Variants in NOP2 observed in about 807,000 individuals in gnomAD.
NOP2 encodes the protein NOP2 nucleolar protein.
Under a neutral mutation model 72.7 loss-of-function variants are expected in NOP2, and 7 were observed. That is an observed-to-expected ratio of 0.10 (90% CI 0.05 to 0.18). The LOEUF (loss-of-function observed/expected upper bound fraction) is 0.18. NOP2 is among the 10% of genes least tolerant of loss of function. NOP2 has a pLI of 1.00. For missense variants in NOP2, 954 were observed against 1,014.7 expected, an observed-to-expected ratio of 0.94 and a Z score of 0.81; for synonymous variants, 387 against 388.0, an observed-to-expected ratio of 1.00 and a Z score of 0.03.
intron 11 of NOP2, among the ~76,000 whole-genome samples, chr12:6,561,288 T>C (rs192086318): frequency 2.6e-5 from 4 of 152,258 alleles, no homozygotes; most frequent in African/African-American, 4.8e-5. Flanking sequence ...CAAACACCTA[T>C]GTGGTCCTAC....
In NOP2 at chr12:6,561,988, ATT is replaced by A. The variant is rs370604185; in HGVS notation, c.979-19_979-18del. Reference sequence around the variant, plus strand: ...GATTAGAGCCTGAAAAGGGATGAAGATTTTTTTTTTTTTTTTTTGAGATGGAG... The same window carrying A: ...GATTAGAGCCTGAAAAGGGATGAAGATTTTTTTTTTTTTTTTGAGATGGAG... On this transcript the variant is annotated intron_variant, in intron 9 of 15. Transcript: ENST00000322166. The A allele has an allele frequency of 0.016, 20,659 of 1,266,254 alleles. No individual in the cohort carries two copies. The highest frequency in any genetic ancestry group is 0.019 in the Middle Eastern group (87 of 4,638). 78.4% of individuals were successfully genotyped at this position (1,266,254 alleles called of 1,614,324 possible).
intron 15 of NOP2, chr12:6,558,008 G>A: frequency 2.9e-6 from 1 of 341,964 alleles, no homozygotes; most frequent in Non-Finnish European, 5.6e-6. Flanking sequence ...AGGGATGGTG[G>A]TACACACCTG....
Position 6,560,001 on chromosome 12 carries a change from T to C in NOP2, c.1789+97A>G. On this transcript the variant is annotated intron_variant, in intron 15 of 15. Transcript: ENST00000322166. The surrounding 1 kb of genome is among the most constrained non-coding windows in gnomAD (Gnocchi z 5.0). ...TGCAAAGGCTGGAGTAAGGGATGCA[T>C]GAATCTTTCCTTTCCCTTCCTCTTG... 3 of 890,052 alleles carry C rather than the reference T, an allele frequency of 3.4e-6. No individual in the cohort carries two copies. Among genetic ancestry groups the C allele is most frequent in the Admixed American group, 2.3e-5 (1 of 43,494 alleles). The allele number at this position is 890,052 out of a possible 1,614,324, so 55.1% of individuals were successfully genotyped here.
chr12:6,561,632 C>T (rs1235434853), intron 11 of NOP2, 32 bp downstream of exon 11: 4 of 1,607,106 alleles, frequency 2.5e-6, no homozygotes, highest in Non-Finnish European at 2.6e-6. Flanking sequence ...CAAGACAGCC[C>T]GATGAATCCC....
In NOP2 at chr12:6,560,291, C is replaced by T. The variant is rs1460228650; in HGVS notation, c.1596G>A (p.Leu532=). 3.1e-6 allele frequency: 5 copies of T among 1,613,882 alleles called. No individual in the cohort carries two copies. The highest frequency in any genetic ancestry group is 4.2e-6 in the Non-Finnish European group (5 of 1,179,894). The change falls in exon 15 of 16, where the codon CTG becomes CTA. Residue 532 remains leucine (L), a synonymous_variant. Transcript: ENST00000322166. This position sits in a 1 kb window ranked among gnomAD's most constrained non-coding sequence, Gnocchi z 5.0. Reference sequence around the variant, plus strand: ...GCACCAGTCGCACATTCCTCTTTTTCAGAGCATAGTCTACCACCCACTCAT... The same window carrying T: ...GCACCAGTCGCACATTCCTCTTTTTTAGAGCATAGTCTACCACCCACTCAT... The part of the protein sequence containing the change: ...EENEWVVDYA[L]KKRNVRLVPT...
chr12:6,567,364 T>A (rs1186935768), intron 2 of NOP2: 1 of 189,692 alleles, frequency 5.3e-6, no homozygotes, highest in Admixed American at 5.6e-5. Context: ...CGGTCCAGTG[T>A]TACCTCCCAC....
chr12:6,558,622 T>G (rs1483415252), intron 15 of NOP2, among the ~76,000 whole-genome samples: 1 of 151,120 alleles, frequency 6.6e-6, no homozygotes, highest in Non-Finnish European at 1.5e-5. Context: ...TTTTTTTTTT[T>G]TTTTTGAGGT....
chr12:6,557,563 G>T lies in NOP2; in HGVS notation c.1869C>A (p.Ala623=). The change falls in exon 16 of 16, where the codon GCC becomes GCA. Residue 623 remains alanine (A), a synonymous_variant. Coordinates refer to ENST00000322166, the MANE Select transcript of NOP2 (RefSeq NM_001258308.2). Reference sequence around the variant, plus strand: ...TCTTTGCAGCCCCCTTGGCTTTCTTGGCTGGCTGGCTGCTGTTCTCAGACT... The same window carrying T: ...TCTTTGCAGCCCCCTTGGCTTTCTTTGCTGGCTGGCTGCTGTTCTCAGACT... ...IPKSENSSQP[A]KKAKGAAKTK... 1 of 1,613,860 alleles carries T rather than the reference G, an allele frequency of 6.2e-7. No homozygotes were observed. Among genetic ancestry groups the T allele is most frequent in the Middle Eastern group, 1.6e-4 (1 of 6,062 alleles).
chr12:6,557,910 A>T (rs1275765464), intron 15 of NOP2: 21 of 439,376 alleles, frequency 4.8e-5, no homozygotes, highest in Non-Finnish European at 8.6e-5. Context: ...TGGGAGGCCA[A>T]GGCAAGTGGA....
At chr12:6,567,615 T>C in intron 2 of NOP2, 1 of 495,090 alleles carries the variant, frequency 2.0e-6, no homozygotes, top group East Asian at 3.4e-5. Context: ...GCATGAATAA[T>C]AGTTGTGTCC....
At chr12:6,568,052 C>G in intron 1 of NOP2, 130 bp from the exon 2 acceptor site, 1 of 652,922 alleles carries the variant, frequency 1.5e-6, no homozygotes, top group Non-Finnish European at 2.6e-6. Flanking sequence ...TCAGCACTCC[C>G]GACTCAGCAC....
In NOP2 at chr12:6,566,294, G is replaced by T. The variant is rs763685849; in HGVS notation, c.281C>A (p.Pro94His). ...GAVQTAGKKG[P>H]QSLFNAPRGK... The stretch of plus-strand genomic sequence containing the variant: ...TCGAGGAGCATTAAATAGGGACTGG[G>T]GTCCCTTCTTACCAGCTGTCTGGAC... The change falls in exon 5 of 16, where the codon CCC becomes CAC. Residue 94 changes from proline to histidine, a missense_variant. By Grantham distance (77) the Pro-to-His change is moderately conservative (BLOSUM62 -2). Around this residue, in one of 3 missense-constraint regions of NOP2, gnomAD observed 498 missense variants for 478.3 expected, o/e 1.04. Coordinates refer to ENST00000322166, the MANE Select transcript of NOP2 (RefSeq NM_001258308.2). 1.2e-6 allele frequency: 2 copies of T among 1,613,682 alleles called. No individual in the cohort carries two copies. The highest frequency in any genetic ancestry group is 2.7e-5 in the African/African-American group (2 of 74,882).
chr12:6,568,092 T>C, intron 1 of NOP2, 115 bp downstream of exon 1: 3 of 601,936 alleles, frequency 5.0e-6, no homozygotes, highest in Non-Finnish European at 8.8e-6. Flanking sequence ...GCTATCCCCC[T>C]GGAGGCCCGA....
At chr12:6,564,786 T>C (rs1947737008) in intron 5 of NOP2, among the ~76,000 whole-genome samples, 1 of 152,054 alleles carries the variant, frequency 6.6e-6, no homozygotes, top group Non-Finnish European at 1.5e-5. Context: ...TAATCCATTT[T>C]CAAGTTTGTT....
rs375560827 is a variant in NOP2 at position 6,557,033 on chromosome 12, T to G, written c.2399A>C (p.Lys800Thr). The stretch of plus-strand genomic sequence containing the variant: ...CTGGCTGTTGCCCCTGGACTGAGAT[T>G]TCTTCCTCTTTGCTGGTGGGGGGCG... ...SSRPPPAKRK[K>T]SQSRGNSQLL... is the part of the protein sequence containing the mutation. The change falls in exon 16 of 16, where the codon AAA (lysine) becomes ACA (threonine). Residue 800 changes from lysine to threonine, a missense_variant. Lys to Thr is a moderately conservative substitution (Grantham distance 78, BLOSUM62 -1). Coordinates refer to ENST00000322166, the MANE Select transcript of NOP2 (RefSeq NM_001258308.2). 5.6e-5 allele frequency: 91 copies of G among 1,613,908 alleles called. No homozygotes were observed. Among genetic ancestry groups the G allele is most frequent in the Non-Finnish European group, 7.3e-5 (86 of 1,179,906 alleles).
rs1947703652 is a variant in NOP2, at chr12:6,563,584, C to T, written c.688+30G>A. On this transcript the variant is annotated intron_variant, in intron 7 of 15. Coordinates refer to ENST00000322166, the MANE Select transcript of NOP2 (RefSeq NM_001258308.2). Reference sequence around the variant, plus strand: ...AATCCCTCTCCCAACCACCTTCCTCCTAACTCTTCACTCTGCCCTGCAAGG... The same window carrying T: ...AATCCCTCTCCCAACCACCTTCCTCTTAACTCTTCACTCTGCCCTGCAAGG... The T allele has an allele frequency of 2.5e-6, 4 of 1,608,392 alleles. No homozygotes were observed. In the African/African-American group the frequency reaches 5.3e-5, roughly 21 times the overall value.
intron 15 of NOP2, chr12:6,558,140 CAAAA>C (rs1186896591): frequency 0.012 from 2,145 of 172,974 alleles, no homozygotes; most frequent in Middle Eastern, 0.019. Context: ...GACACCGTCT[CAAAA>C]AAAAAAAAAA....
At position 6,557,180 on chromosome 12, in the gene NOP2, C is replaced by G. The variant is rs1947504347; in HGVS notation, c.2252G>C (p.Arg751Thr). ...CTGCTGCTTCTCAACCCCCTTGGCC[C>G]TTCCAAGGGGCTGATGATGGTCCTT... ...KPKDHHQPLG[R>T]AKGVEKQQLP... The change falls in exon 16 of 16, where the codon AGG becomes ACG. Residue 751 changes from arginine to threonine, a missense_variant. Physicochemically the swap from Arg to Thr is moderately conservative, Grantham distance 71. This residue lies in a region of NOP2 where 269 missense variants were observed against 260.2 expected (regional missense o/e 1.03). Coordinates refer to ENST00000322166, the MANE Select transcript of NOP2 (RefSeq NM_001258308.2). 6.2e-7 allele frequency: 1 copy of G among 1,613,850 alleles called. No homozygotes were observed. Among genetic ancestry groups the G allele is most frequent in the Admixed American group, 1.7e-5 (1 of 60,000 alleles).
intron 11 of NOP2, 69 bp downstream of exon 11, chr12:6,561,595 C>T (rs1947651369): frequency 1.3e-6 from 2 of 1,584,102 alleles, no homozygotes; most frequent in Non-Finnish European, 1.7e-6. Flanking sequence ...AGTCAGCAAC[C>T]CCAGCAACCC....
Sources: allele counts gnomAD v4.1 joint callset (sites outside exome capture counted in the v4.1 genomes callset), GRCh38; gene constraint gnomAD v4.1.1; regional missense constraint gnomAD v4.1.1; non-coding constraint Gnocchi (gnomAD v3.1); transcripts MANE v1.5; gene names NCBI Gene and HGNC (gene_info 2026-07-23, HGNC 2026-07-21).